Variants in PLD1 observed in about 807,000 individuals in gnomAD.
PLD1 encodes the protein phospholipase D1.
A neutral mutation model predicts 137.1 loss-of-function variants in PLD1; 112 were observed. That is an observed-to-expected ratio of 0.82 (90% confidence interval 0.70 to 0.96). The LOEUF (loss-of-function observed/expected upper bound fraction) is 0.96, where lower values mean the gene tolerates loss of function less well. PLD1 is among the 40% of genes least tolerant of loss of function. PLD1 has a pLI of 0.00. For missense variants in PLD1, 1,321 were observed against 1,342.0 expected (o/e 0.98, Z 0.24); for synonymous variants, 431 against 454.7 (o/e 0.95, Z 0.66).
chr3:171,758,902 C>T (rs1396683694), intron 1 of PLD1, among the ~76,000 whole-genome samples: 1 of 152,172 alleles, frequency 6.6e-6, no homozygotes, highest in Non-Finnish European at 1.5e-5. Context: ...AATTTCCAAA[C>T]CTGTCTTTAG....
chr3:171,730,805 A>G (rs986785481), intron 6 of PLD1, among the ~76,000 whole-genome samples: 1 of 152,064 alleles, frequency 6.6e-6, no homozygotes, highest in African/African-American at 2.4e-5. Context: ...CGCCTAGCTA[A>G]TGTTTGTATT....
chr3:171,777,322 G>A (rs1370329728), intron 1 of PLD1, among the ~76,000 whole-genome samples: 2 of 152,222 alleles, frequency 1.3e-5, no homozygotes, highest in East Asian at 3.9e-4. Flanking sequence ...TCCTACTGCT[G>A]TCTGTCTCAG....
chr3:171,674,630 G>A lies in PLD1; in HGVS notation c.2116-17C>T. 7.7e-7 allele frequency: 1 copy of A among 1,295,056 alleles called. No individual in the cohort carries two copies. Among genetic ancestry groups the A allele is most frequent in the Non-Finnish European group, 1.1e-6 (1 of 899,978 alleles). 80.2% of individuals were successfully genotyped at this position (1,295,056 alleles called of 1,614,324 possible). A position where few individuals can be genotyped will look rare whatever the true frequency, so the allele number is the denominator to read the frequency against. ...TTTCATAATCTAAAATAAAGAAAAAGGATAAAATATTCAAATGAGAAAAAA... is the reference window on the plus strand; with the variant it reads ...TTTCATAATCTAAAATAAAGAAAAAAGATAAAATATTCAAATGAGAAAAAA... On this transcript the variant is annotated splice_polypyrimidine_tract_variant and intron_variant, in intron 18 of 26. Transcript: ENST00000351298.
chr3:171,690,563 G>C (rs1578283901), intron 13 of PLD1, among the ~76,000 whole-genome samples: 1 of 151,970 alleles, frequency 6.6e-6, no homozygotes, highest in South Asian at 2.1e-4. Context: ...TTGTCTCTAA[G>C]TATTTTCTCT....
At chr3:171,643,445 A>T (rs1465891598) in intron 22 of PLD1, among the ~76,000 whole-genome samples, 17 of 152,102 alleles carry the variant, frequency 1.1e-4, no homozygotes, top group Admixed American at 1.1e-3. Flanking sequence ...TGACAAAACC[A>T]AAAATTCTAT....
At chr3:171,686,150 A>C (rs572132143) in intron 16 of PLD1, among the ~76,000 whole-genome samples, 2 of 150,628 alleles carry the variant, frequency 1.3e-5, no homozygotes, top group East Asian at 3.9e-4. Context: ...AAAGATTTTT[A>C]ACCAAATAAA....
At chr3:171,787,787 AT>A (rs142198082) in intron 1 of PLD1, among the ~76,000 whole-genome samples, 1 of 151,712 alleles carries the variant, frequency 6.6e-6, no homozygotes, top group Non-Finnish European at 1.5e-5. Flanking sequence ...AAAAGAAAAT[AT>A]TTTTTCCCTG....
At chr3:171,680,042 T>C (rs922702362) in intron 16 of PLD1, among the ~76,000 whole-genome samples, 1 of 152,074 alleles carries the variant, frequency 6.6e-6, no homozygotes, top group African/African-American at 2.4e-5. Context: ...CTACTAAAGT[T>C]TATGAGAAGG....
chr3:171,672,981 T>G (rs957105699), intron 19 of PLD1, among the ~76,000 whole-genome samples: 1 of 152,196 alleles, frequency 6.6e-6, no homozygotes, highest in African/African-American at 2.4e-5. Flanking sequence ...AATACTTAAT[T>G]CCCAGCAATC....
rs1331929251 is a variant in PLD1 at position 171,692,327 on chromosome 3, A to T, written c.1338+5T>A. 5 of 1,291,192 alleles carry T rather than the reference A, an allele frequency of 3.9e-6. No homozygotes were observed. The highest frequency in any genetic ancestry group is 1.5e-5 in the African/African-American group (1 of 68,414). The allele number at this position is 1,291,192 out of a possible 1,614,324, so 80.0% of individuals were successfully genotyped here. ...AACATTGGTTATCAAGATGAACCTG[A>T]ATACCTTTATGTTGGGATGTAGACG... is the stretch of plus-strand genomic sequence containing the variant. On this transcript the variant is annotated splice_donor_5th_base_variant and intron_variant, in intron 13 of 26. Coordinates refer to ENST00000351298, the MANE Select transcript of PLD1 (RefSeq NM_002662.5).
chr3:171,634,752 C>A (rs1734958177), intron 23 of PLD1, among the ~76,000 whole-genome samples: 1 of 152,108 alleles, frequency 6.6e-6, no homozygotes, highest in Non-Finnish European at 1.5e-5. Flanking sequence ...GTTTCCAAAT[C>A]ATTTAAAAAT....
chr3:171,724,304 A>C (rs1177499671), intron 8 of PLD1, among the ~76,000 whole-genome samples: 1 of 152,054 alleles, frequency 6.6e-6, no homozygotes, highest in Non-Finnish European at 1.5e-5. Context: ...CACCCTCACC[A>C]CCATTTGTTA....
rs1225851958 is a variant in PLD1 at position 171,687,255 on chromosome 3, A to G, written c.1753+116T>C. On this transcript the variant is annotated intron_variant, in intron 15 of 26. Transcript: ENST00000351298. Reference sequence around the variant, plus strand: ...AATAGAATGATATAGCGACCTCTCAACATTGCTCATTCTACTCCATTACAG... The same window carrying G: ...AATAGAATGATATAGCGACCTCTCAGCATTGCTCATTCTACTCCATTACAG... 1.6e-5 allele frequency: 13 copies of G among 816,448 alleles called. No individual in the cohort carries two copies. In the East Asian group the frequency reaches 3.0e-4, roughly 19 times the overall value. 50.6% of individuals were successfully genotyped at this position (816,448 alleles called of 1,614,324 possible).
At chr3:171,804,987 T>A (rs960460620) in intron 1 of PLD1, among the ~76,000 whole-genome samples, 3 of 152,204 alleles carry the variant, frequency 2.0e-5, no homozygotes, top group Admixed American at 2.0e-4. Context: ...ATTCCTATTC[T>A]CCTTCATCTA....
chr3:171,733,115 T>TA (rs1422810577), intron 6 of PLD1, among the ~76,000 whole-genome samples: 3 of 152,186 alleles, frequency 2.0e-5, no homozygotes, highest in Non-Finnish European at 2.9e-5. Context: ...TCTTTGTAGC[T>TA]AAAAAATGCT....
intron 1 of PLD1, chr3:171,809,878 G>C (rs367730054): frequency 1.3e-4 from 20 of 152,376 alleles, no homozygotes; most frequent in African/African-American, 4.3e-4. Flanking sequence ...CGGGAGCCGC[G>C]GTCAGCAGCT....
intron 8 of PLD1, among the ~76,000 whole-genome samples, chr3:171,717,867 CA>C (rs1404261968): frequency 1.3e-5 from 2 of 152,170 alleles, no homozygotes; most frequent in African/African-American, 4.8e-5. Context: ...GTGGGTTTGT[CA>C]TAGATGGCTC....
chr3:171,767,820 G>A (rs1373508583), intron 1 of PLD1, among the ~76,000 whole-genome samples: 1 of 152,098 alleles, frequency 6.6e-6, no homozygotes, highest in Non-Finnish European at 1.5e-5. Flanking sequence ...GCTCATGCCT[G>A]TAATCCCAGC....
chr3:171,634,898 C>T (rs1391061181), intron 23 of PLD1, among the ~76,000 whole-genome samples: 1 of 151,962 alleles, frequency 6.6e-6, no homozygotes, highest in Admixed American at 6.6e-5. Context: ...TTATCACTCC[C>T]CCAAAAAAAC....
Sources: gnomAD v4.1 joint callset for allele counts (sites outside exome capture counted in the v4.1 genomes callset) on GRCh38, gnomAD v4.1.1 for gene constraint, MANE v1.5 for transcripts, NCBI Gene and HGNC (gene_info 2026-07-23, HGNC 2026-07-21) for gene names.